The following NBN variants were observed in gnomAD, a reference collection of about 807,000 sequenced individuals.
NBN encodes the protein Nijmegen breakage syndrome 1 (nibrin).
Under a neutral mutation model 90.8 loss-of-function variants are expected in NBN, and 88 were observed. That is an observed-to-expected ratio of 0.97 (90% CI 0.82 to 1.16). The LOEUF is 1.16. Among genes scored for constraint, NBN ranks in the 50% most tolerant of loss-of-function variants. The pLI, the probability that NBN is intolerant of heterozygous loss-of-function variation, is 0.00. For missense variants in NBN, 894 were observed against 869.6 expected, an observed-to-expected ratio of 1.03 and a Z score of -0.35; for synonymous variants, 328 against 295.1, an observed-to-expected ratio of 1.11 and a Z score of -1.14.
At chr8:89,974,635 A>G (rs1811670428) in intron 5 of NBN, among the ~76,000 whole-genome samples, 2 of 152,170 alleles carry the variant, frequency 1.3e-5, no homozygotes, top group African/African-American at 4.8e-5. Flanking sequence ...TAGAGGGTAC[A>G]TACAGTGAAA....
At chr8:89,976,605 G>A (rs573291003) in intron 5 of NBN, among the ~76,000 whole-genome samples, 47 of 152,276 alleles carry the variant, frequency 3.1e-4, no homozygotes, top group Non-Finnish European at 6.5e-4. Context: ...GCAACAGCTA[G>A]TCGGGACCGC....
At chr8:89,970,164 G>C (rs1811436425) in intron 7 of NBN, among the ~76,000 whole-genome samples, 200 bp downstream of exon 7, 1 of 151,610 alleles carries the variant, frequency 6.6e-6, no homozygotes, top group Non-Finnish European at 1.5e-5. Flanking sequence ...CAGGAGAATT[G>C]CTTGAACCCA....
chr8:89,946,084 G>C (rs1389867664), intron 13 of NBN, 56 bp downstream of exon 13: 1 of 1,286,384 alleles, frequency 7.8e-7, no homozygotes, highest in Non-Finnish European at 1.1e-6. Flanking sequence ...AGCATCACTG[G>C]TATCTCTAAA....
chr8:89,934,285 A>C lies in NBN; in HGVS notation c.*1297T>G, dbSNP rs547479870. The C allele has an allele frequency of 3.9e-5, 9 of 232,506 alleles. No homozygotes were observed. In the South Asian group the frequency reaches 1.6e-3, roughly 42 times the overall value. The allele number at this position is 232,506 out of a possible 1,614,324, so 14.4% of individuals were successfully genotyped here. On this transcript the variant is annotated 3_prime_UTR_variant, in exon 16 of 16. Coordinates refer to ENST00000265433, the MANE Select transcript of NBN (RefSeq NM_002485.5). Reference sequence around the variant, plus strand: ...TATCCAATGTCATACCACTATCATAATTTAAGTGTTCATAACTCTCTATAA... The same window carrying C: ...TATCCAATGTCATACCACTATCATACTTTAAGTGTTCATAACTCTCTATAA...
intron 13 of NBN, among the ~76,000 whole-genome samples, chr8:89,943,968 AAT>A (rs1256103658): frequency 6.6e-6 from 1 of 152,210 alleles, no homozygotes; most frequent in Non-Finnish European, 1.5e-5. Flanking sequence ...ACAGTTCCTT[AAT>A]ATTTGTAACA....
chr8:89,954,752 GA>G (rs1440587924), intron 10 of NBN, among the ~76,000 whole-genome samples: 1 of 152,060 alleles, frequency 6.6e-6, no homozygotes, highest in African/African-American at 2.4e-5. Context: ...AGTTCATACA[GA>G]AATGGGAGAA....
chr8:89,964,315 G>A lies in NBN; in HGVS notation c.994+95C>T, dbSNP rs1051815592. The A allele has an allele frequency of 1.0e-5, 14 of 1,340,056 alleles. No homozygotes were observed. In the African/African-American group the frequency reaches 1.9e-4, roughly 18 times the overall value. 83.0% of individuals were successfully genotyped at this position (1,340,056 alleles called of 1,614,324 possible). On this transcript the variant is annotated intron_variant, in intron 8 of 15. Coordinates refer to ENST00000265433, the MANE Select transcript of NBN (RefSeq NM_002485.5). Reference sequence around the variant, plus strand: ...ATGAATTTTAAAACATGGTGAATATGGTCACCCCTAGCAAGTATATGAGTA... The same window carrying A: ...ATGAATTTTAAAACATGGTGAATATAGTCACCCCTAGCAAGTATATGAGTA...
intron 14 of NBN, among the ~76,000 whole-genome samples, chr8:89,942,010 T>C (rs1265369961): frequency 1.3e-5 from 2 of 152,178 alleles, no homozygotes; most frequent in Non-Finnish European, 2.9e-5. Flanking sequence ...GCTTTTGCCT[T>C]GCCCTATGAG....
Position 89,947,847 on chromosome 8 carries a change from G to T in NBN, c.1891C>A (p.Leu631Ile). Residue 631 changes from leucine (L) to isoleucine (I), a missense_variant, in exon 12 of 16, where the codon CTA becomes ATA. Physicochemically the swap from Leu to Ile is conservative, Grantham distance 5. Transcript: ENST00000265433. The stretch of plus-strand genomic sequence containing the variant: ...ACAGATATTTCTTTAGCTGACCATA[G>T]TGAGTCTTCCTTGAGTTCACGTTTC... ...GKKRELKEDSLWSAKEISNND... is the reference protein window; with the variant it reads ...GKKRELKEDSIWSAKEISNND... The T allele has an allele frequency of 6.3e-7, 1 of 1,582,446 alleles. No individual in the cohort carries two copies. The highest frequency in any genetic ancestry group is 8.7e-7 in the Non-Finnish European group (1 of 1,155,580).
At chr8:89,965,765 C>T (rs1414823725) in intron 7 of NBN, among the ~76,000 whole-genome samples, 1 of 152,184 alleles carries the variant, frequency 6.6e-6, no homozygotes, top group East Asian at 1.9e-4. Context: ...GCTGGGATTA[C>T]AGGCGTGAAC....
chr8:89,953,374 G>A lies in NBN; in HGVS notation c.1715C>T (p.Pro572Leu), dbSNP rs1554558303. 53 of 1,613,416 alleles carry A rather than the reference G, an allele frequency of 3.3e-5. No individual in the cohort carries two copies. The highest frequency in any genetic ancestry group is 4.5e-5 in the Non-Finnish European group (53 of 1,179,712). Residue 572 changes from proline to leucine, a missense_variant, in exon 11 of 16, where the codon CCA becomes CTA. Physicochemically the swap from Pro to Leu is moderately conservative, Grantham distance 98. Transcript: ENST00000265433. ...VLEQLFKDTK[P>L]ELEIDVKVQK... ...AACTTTCACATCAATTTCTAACTCT[G>A]GTTTTGTGTCCTTGAATAACTGTTC...
At position 89,984,546 on chromosome 8, in the gene NBN, G is replaced by A. The variant is rs730881859; in HGVS notation, c.16C>T (p.Pro6Ser). 63 of 1,613,102 alleles carry A rather than the reference G, an allele frequency of 3.9e-5. No homozygotes were observed. The highest frequency in any genetic ancestry group is 5.3e-5 in the African/African-American group (4 of 74,932). The stretch of plus-strand genomic sequence containing the variant: ...TTACCTCCTGCCGGGCCCGCGGCGG[G>A]CAGCAGTTTCCACATCGGTCCGGCT... MWKLL[P>S]AAGPAGGEPY... The change falls in exon 1 of 16, where the codon CCC becomes TCC. Residue 6 changes from proline to serine, a missense_variant. Coordinates refer to ENST00000265433, the MANE Select transcript of NBN (RefSeq NM_002485.5).
chr8:89,935,937 C>A, intron 15 of NBN: 1 of 343,626 alleles, frequency 2.9e-6, no homozygotes, highest in Non-Finnish European at 5.6e-6. Context: ...CATTCCTCCC[C>A]ATAATAAAAG....
Position 89,955,303 on chromosome 8 carries a change from A to C in NBN, c.1377T>G (p.Phe459Leu), listed in dbSNP as rs1397458119. 7 of 1,613,818 alleles carry C rather than the reference A, an allele frequency of 4.3e-6. No individual in the cohort carries two copies. Among genetic ancestry groups the C allele is most frequent in the Non-Finnish European group, 5.9e-6 (7 of 1,179,816 alleles). Residue 459 changes from phenylalanine (F) to leucine (L), a missense_variant, in exon 10 of 16, where the codon TTT becomes TTG. Transcript: ENST00000265433. The stretch of plus-strand genomic sequence containing the variant: ...CAGACCTTTTTTTGGTAGACGGCTG[A>C]AAGTAGTTTCTGATGGAGTTGGTCT... ...QQQTNSIRNY[F>L]QPSTKKRERD...
chr8:89,953,333 C>A lies in NBN; in HGVS notation c.1756G>T (p.Asp586Tyr). The change falls in exon 11 of 16, where the codon GAT becomes TAT. Residue 586 changes from aspartate (D) to tyrosine (Y), a missense_variant. Coordinates refer to ENST00000265433, the MANE Select transcript of NBN (RefSeq NM_002485.5). Reference protein sequence around the residue: ...IDVKVQKQEEDVNVRKRPRMD... With the variant: ...IDVKVQKQEEYVNVRKRPRMD... ...CTTGGCCTTTTTCTAACATTGACATCTTCCTCCTGTTTTTGAACTTTCACA... is the reference window on the plus strand; with the variant it reads ...CTTGGCCTTTTTCTAACATTGACATATTCCTCCTGTTTTTGAACTTTCACA... 1 of 1,613,518 alleles carries A rather than the reference C, an allele frequency of 6.2e-7. No individual in the cohort carries two copies. Among genetic ancestry groups the A allele is most frequent in the Non-Finnish European group, 8.5e-7 (1 of 1,179,814 alleles).
At chr8:89,951,490 T>C (rs1356404112) in intron 11 of NBN, among the ~76,000 whole-genome samples, 2 of 152,274 alleles carry the variant, frequency 1.3e-5, no homozygotes, top group Admixed American at 6.5e-5. Context: ...TAATATTAAG[T>C]AACCTGAATA....
chr8:89,966,344 C>G (rs188518020), intron 7 of NBN, among the ~76,000 whole-genome samples: 8 of 152,276 alleles, frequency 5.3e-5, no homozygotes, highest in Admixed American at 2.0e-4. Flanking sequence ...AAAGAGGAGT[C>G]TGGCAAGATG....
rs769400631 is a variant in NBN at position 89,978,279 on chromosome 8, T to C, written c.525A>G (p.Glu175=). The change falls in exon 5 of 16, where the codon GAA becomes GAG. Residue 175 remains glutamate (E), a synonymous_variant. Transcript: ENST00000265433. ...CTGCTTTCAGGAATTCAGTAAAATA[T>C]TCTGGCTTTACAATTGGACGTCCAC... The part of the protein sequence containing the change: ...LICGRPIVKP[E]YFTEFLKAVE... The C allele has an allele frequency of 4.4e-6, 7 of 1,600,476 alleles. No homozygotes were observed. Among genetic ancestry groups the C allele is most frequent in the Non-Finnish European group, 6.0e-6 (7 of 1,167,748 alleles).
rs1586092760 is a variant in NBN at position 89,973,774 on chromosome 8, A to C, written c.585-2484T>G. Among the ~76,000 whole-genome samples, 5 of 152,222 alleles carry C rather than the reference A, an allele frequency of 3.3e-5. No homozygotes were observed. The South Asian group carries it at 1.0e-3, about 31-fold the overall frequency. On this transcript the variant is annotated intron_variant, in intron 5 of 15. Transcript: ENST00000265433. ...ACTAGTACAAAAACTGGAAAATAGG[A>C]AAGTAACCTGTCAGAGACCTAGGCT...
Sources: allele counts gnomAD v4.1 joint callset (sites outside exome capture counted in the v4.1 genomes callset), GRCh38; gene constraint gnomAD v4.1.1; transcripts MANE v1.5; gene names NCBI Gene and HGNC (gene_info 2026-07-23, HGNC 2026-07-21).